Variants in NCAM2 observed in about 807,000 individuals in gnomAD.
NCAM2 encodes neural cell adhesion molecule 2.
Under a neutral mutation model 98.1 loss-of-function variants are expected in NCAM2, and 30 were observed. The observed-to-expected ratio is 0.31, with a 90% CI of 0.23 to 0.41. The LOEUF is 0.41. Among genes scored for constraint, NCAM2 ranks in the 10% least tolerant of loss-of-function variants. NCAM2 has a pLI of 1.00. For synonymous variants in NCAM2, 368 were observed against 342.4 expected (o/e 1.07, Z -0.83); for missense variants, 867 against 1,005.8 (o/e 0.86, Z 1.87).
chr21:21,055,027 A>G (rs1248361686), intron 1 of NCAM2, among the ~76,000 whole-genome samples: 1 of 152,066 alleles, frequency 6.6e-6, no homozygotes, highest in African/African-American at 2.4e-5. Flanking sequence ...AAGGAAAATG[A>G]AACTTAAAAA....
At chr21:21,483,275 T>C (rs1418335385) in intron 15 of NCAM2, among the ~76,000 whole-genome samples, 1 of 152,026 alleles carries the variant, frequency 6.6e-6, no homozygotes, top group African/African-American at 2.4e-5. Flanking sequence ...GTTCAACATT[T>C]TTTATATTCA....
In NCAM2 at chr21:21,397,343, C is replaced by T. The variant is rs548614475; in HGVS notation, c.1196-12931C>T. On this transcript the variant is annotated intron_variant, in intron 9 of 17. Transcript: ENST00000400546. ...CCAGAAGGCTGTCTGCCTCCTGCTG[C>T]CATCAACATGTTGTATATGGCCCCC... Among the ~76,000 whole-genome samples the T allele has an allele frequency of 1.5e-3, 227 of 152,330 alleles. 5 individuals carry two copies. Among genetic ancestry groups the T allele is most frequent in the Admixed American group, 0.013 (193 of 15,298 alleles).
At chr21:21,008,433 C>A (rs2064149351) in intron 1 of NCAM2, among the ~76,000 whole-genome samples, 1 of 152,024 alleles carries the variant, frequency 6.6e-6, no homozygotes, top group Non-Finnish European at 1.5e-5. Flanking sequence ...CACTTATAGT[C>A]CATTTTAATT....
At chr21:21,312,673 G>C (rs996245511) in intron 5 of NCAM2, among the ~76,000 whole-genome samples, 3 of 151,472 alleles carry the variant, frequency 2.0e-5, no homozygotes, top group Non-Finnish European at 3.0e-5. Flanking sequence ...TTGGTATGTA[G>C]GTTTATTTTC....
Position 21,507,184 on chromosome 21 carries a change from C to T in NCAM2, c.2078-1667C>T, listed in dbSNP as rs147107400. On this transcript the variant is annotated intron_variant, in intron 15 of 17. Coordinates refer to ENST00000400546, the MANE Select transcript of NCAM2 (RefSeq NM_004540.5). ...CTAGTATTCAGACAAGTCTGACATA[C>T]TCAAAGTCGACCTGCTAGTGCTTGC... 2.8e-4 allele frequency among the ~76,000 whole-genome samples: 42 copies of T among 152,120 alleles called. No homozygotes were observed. In the South Asian group the frequency reaches 4.6e-3, roughly 17 times the overall value.
At chr21:21,386,259 A>C (rs954419014) in intron 9 of NCAM2, among the ~76,000 whole-genome samples, 1 of 152,182 alleles carries the variant, frequency 6.6e-6, no homozygotes, top group East Asian at 1.9e-4. Flanking sequence ...TAATTTAAAC[A>C]TATAAAGAAG....
intron 1 of NCAM2, among the ~76,000 whole-genome samples, chr21:21,218,351 A>G (rs2069993935): frequency 6.6e-6 from 1 of 152,094 alleles, no homozygotes; most frequent in Non-Finnish European, 1.5e-5. Context: ...TACTCTCAGA[A>G]AGCTCTGTTG....
chr21:21,323,319 C>T (rs900578550), intron 5 of NCAM2, among the ~76,000 whole-genome samples: 2 of 151,934 alleles, frequency 1.3e-5, no homozygotes, highest in African/African-American at 4.8e-5. Flanking sequence ...TATCTAAATT[C>T]ATAAGGGCAG....
At chr21:21,032,530 A>C (rs1054477201) in intron 1 of NCAM2, among the ~76,000 whole-genome samples, 1 of 152,216 alleles carries the variant, frequency 6.6e-6, no homozygotes, top group Non-Finnish European at 1.5e-5. Context: ...ACTAATGTCA[A>C]CATTACATCA....
intron 1 of NCAM2, among the ~76,000 whole-genome samples, chr21:21,076,551 C>T (rs1284291213): frequency 6.6e-6 from 1 of 152,020 alleles, no homozygotes; most frequent in African/African-American, 2.4e-5. Context: ...TTTCTCTAAT[C>T]GTCATTTGTT....
chr21:21,201,265 A>G (rs1184538832), intron 1 of NCAM2, among the ~76,000 whole-genome samples: 1 of 152,220 alleles, frequency 6.6e-6, no homozygotes, highest in Admixed American at 6.5e-5. Flanking sequence ...TTGAGCTGAT[A>G]TGAAATAGTT....
chr21:21,476,767 T>A (rs1985222027), intron 14 of NCAM2, among the ~76,000 whole-genome samples: 1 of 152,078 alleles, frequency 6.6e-6, no homozygotes, highest in Admixed American at 6.5e-5. Flanking sequence ...TGTATATTAT[T>A]TTATGTCATA....
At chr21:21,007,077 C>A (rs148957764) in intron 1 of NCAM2, among the ~76,000 whole-genome samples, 2 of 152,082 alleles carry the variant, frequency 1.3e-5, no homozygotes, top group African/African-American at 2.4e-5. Flanking sequence ...AGTTTTCAGA[C>A]CCCAGAGATT....
chr21:21,032,993 G>A (rs2064720888), intron 1 of NCAM2, among the ~76,000 whole-genome samples: 1 of 149,584 alleles, frequency 6.7e-6, no homozygotes, highest in African/African-American at 2.5e-5. Context: ...TGCCCAGGCT[G>A]GAGTGCAATG....
chr21:21,339,415 A>G (rs780643992), intron 8 of NCAM2, among the ~76,000 whole-genome samples: 6 of 152,046 alleles, frequency 3.9e-5, no homozygotes, highest in Non-Finnish European at 8.8e-5. Context: ...AATTACTATT[A>G]TATTTCACAA....
At chr21:21,096,636 T>C (rs1397392397) in intron 1 of NCAM2, among the ~76,000 whole-genome samples, 2 of 151,800 alleles carry the variant, frequency 1.3e-5, no homozygotes, top group South Asian at 2.1e-4. Context: ...AAGAATCTTT[T>C]CTATGCCTTG....
chr21:21,316,588 T>G (rs796462682), intron 5 of NCAM2, among the ~76,000 whole-genome samples: 82 of 137,788 alleles, frequency 6.0e-4, no homozygotes, highest in African/African-American at 2.1e-3. Context: ...CATGTTGGAG[T>G]GCAATGGTGT....
At chr21:21,412,359 T>G (rs2076904133) in intron 10 of NCAM2, among the ~76,000 whole-genome samples, 2 of 152,208 alleles carry the variant, frequency 1.3e-5, no homozygotes, top group Non-Finnish European at 2.9e-5. Flanking sequence ...ATCTCCAAAT[T>G]CATTCACACC....
At chr21:21,189,454 G>T (rs2068747849) in intron 1 of NCAM2, among the ~76,000 whole-genome samples, 1 of 152,144 alleles carries the variant, frequency 6.6e-6, no homozygotes, top group Non-Finnish European at 1.5e-5. Flanking sequence ...GGCCAGATGT[G>T]TTGGCTCCTG....
Sources: gnomAD v4.1 joint callset for allele counts (sites outside exome capture counted in the v4.1 genomes callset) on GRCh38, gnomAD v4.1.1 for gene constraint, MANE v1.5 for transcripts, NCBI Gene and HGNC (gene_info 2026-07-23, HGNC 2026-07-21) for gene names.